The following UVRAG variants were observed in gnomAD, a reference collection of about 807,000 sequenced individuals.
UVRAG encodes the protein UV radiation resistance-associated gene protein.
A neutral mutation model predicts 78.0 loss-of-function variants in UVRAG; 19 were observed. That is an observed-to-expected ratio of 0.24 (90% CI 0.17 to 0.36). UVRAG has a LOEUF of 0.36. UVRAG is among the 10% of genes least tolerant of loss of function. The pLI, the probability that UVRAG is intolerant of heterozygous loss-of-function variation, is 1.00. For synonymous variants in UVRAG, 323 were observed against 324.6 expected (o/e 1.00, Z 0.05); for missense variants, 740 against 853.8 (o/e 0.87, Z 1.66).
At chr11:76,026,274 G>A (rs1259444715) in intron 12 of UVRAG, among the ~76,000 whole-genome samples, 2 of 152,098 alleles carry the variant, frequency 1.3e-5, no homozygotes, top group African/African-American at 4.8e-5. Flanking sequence ...TCAGACTGCT[G>A]TAATTCTGAC....
At chr11:76,090,104 G>A (rs752240835) in intron 13 of UVRAG, among the ~76,000 whole-genome samples, 1 of 152,080 alleles carries the variant, frequency 6.6e-6, no homozygotes, top group Non-Finnish European at 1.5e-5. Flanking sequence ...TCTCCTGACT[G>A]CACCTCCATT....
Position 76,079,243 on chromosome 11 carries a change from G to A in UVRAG, c.1305+13455G>A, listed in dbSNP as rs566142083. Among the ~76,000 whole-genome samples the A allele has an allele frequency of 2.0e-4, 30 of 152,140 alleles. No homozygotes were observed. The South Asian group carries it at 5.8e-3, about 29-fold the overall frequency. ...TCAAGCCTGTAATTCCAACATTTTG[G>A]GAGGCCAAGGCAGGAGGATCACTTG... On this transcript the variant is annotated intron_variant, in intron 13 of 14. Transcript: ENST00000356136.
At chr11:75,847,830 G>A (rs1426168856) in intron 1 of UVRAG, among the ~76,000 whole-genome samples, 2 of 151,902 alleles carry the variant, frequency 1.3e-5, no homozygotes, top group Admixed American at 1.3e-4. Context: ...AATTAGCTGG[G>A]TGTGGTGGTA....
intron 6 of UVRAG, among the ~76,000 whole-genome samples, chr11:75,923,653 G>A (rs1948026653): frequency 6.6e-6 from 1 of 152,092 alleles, no homozygotes; most frequent in African/African-American, 2.4e-5. Flanking sequence ...TCCAGTTCAG[G>A]TGCATTTTAT....
intron 10 of UVRAG, among the ~76,000 whole-genome samples, 163 bp from the exon 11 acceptor site, chr11:76,008,644 G>A (rs968505494): frequency 4.6e-5 from 7 of 152,128 alleles, no homozygotes; most frequent in Non-Finnish European, 1.0e-4. Context: ...TGTAGGGAGA[G>A]AGTAGAATGA....
intron 13 of UVRAG, among the ~76,000 whole-genome samples, chr11:76,080,443 TA>T (rs1951475059): frequency 6.6e-6 from 1 of 152,148 alleles, no homozygotes; most frequent in Non-Finnish European, 1.5e-5. Context: ...GGACTTCAGA[TA>T]ATCCTTCTAC....
intron 13 of UVRAG, among the ~76,000 whole-genome samples, chr11:76,077,495 C>T (rs1017275696): frequency 6.6e-6 from 1 of 152,170 alleles, no homozygotes; most frequent in Non-Finnish European, 1.5e-5. Flanking sequence ...ACTACAAATA[C>T]AGTGCCAAAA....
chr11:75,932,265 CTTTATTTA>C lies in UVRAG; in HGVS notation c.593+20257_593+20264del, dbSNP rs71272238. On this transcript the variant is annotated intron_variant, in intron 6 of 14. Coordinates refer to ENST00000356136, the MANE Select transcript of UVRAG (RefSeq NM_003369.4). ...TATCTTTGTTTGCAGATTATATGATCTTTATTTATTTATTTATTTATTTATTTATTTAT... is the reference window on the plus strand; with the variant it reads ...TATCTTTGTTTGCAGATTATATGATCTTTATTTATTTATTTATTTATTTAT... 1.7e-3 allele frequency among the ~76,000 whole-genome samples: 261 copies of C among 149,666 alleles called. 1 individual carries two copies. The highest frequency in any genetic ancestry group is 5.1e-3 in the African/African-American group (208 of 40,874).
Position 75,938,106 on chromosome 11 carries a change from T to C in UVRAG, c.594-23338T>C, listed in dbSNP as rs1055745646. On this transcript the variant is annotated intron_variant, in intron 6 of 14. Coordinates refer to ENST00000356136, the MANE Select transcript of UVRAG (RefSeq NM_003369.4). The stretch of plus-strand genomic sequence containing the variant: ...ATATACACACACACACACATATATA[T>C]ATTTTTCTCATTTCAGACATCATGA... Among the ~76,000 whole-genome samples, 10 of 152,152 alleles carry C rather than the reference T, an allele frequency of 6.6e-5. No homozygotes were observed. In the South Asian group the frequency reaches 1.7e-3, roughly 25 times the overall value.
At chr11:75,992,011 T>C (rs889846310) in intron 8 of UVRAG, among the ~76,000 whole-genome samples, 3 of 152,176 alleles carry the variant, frequency 2.0e-5, no homozygotes, top group Non-Finnish European at 2.9e-5. Flanking sequence ...AATTTTGTCC[T>C]AATAGTCCTA....
chr11:75,821,436 G>T (rs1030919856), intron 1 of UVRAG, among the ~76,000 whole-genome samples: 1 of 152,142 alleles, frequency 6.6e-6, no homozygotes, highest in Non-Finnish European at 1.5e-5. Context: ...TGACTTCCTG[G>T]GGTCAAGTGA....
At chr11:76,077,407 C>T (rs943860247) in intron 13 of UVRAG, among the ~76,000 whole-genome samples, 1 of 152,022 alleles carries the variant, frequency 6.6e-6, no homozygotes, top group Non-Finnish European at 1.5e-5. Flanking sequence ...ACTATGATTA[C>T]TGTACTCTTT....
In UVRAG at chr11:76,016,798, T is replaced by C; in HGVS notation, c.1061-17T>C. On this transcript the variant is annotated splice_polypyrimidine_tract_variant and intron_variant, in intron 11 of 14. Transcript: ENST00000356136. ...GGTAAATAGTTATTTTCTTTTCCTC[T>C]GCTTTTGAATTTACAGCAAAAGATG... 6.3e-7 allele frequency: 1 copy of C among 1,576,470 alleles called. No homozygotes were observed. Among genetic ancestry groups the C allele is most frequent in the Non-Finnish European group, 8.6e-7 (1 of 1,160,804 alleles).
At chr11:75,903,955 A>G (rs1416977499) in intron 5 of UVRAG, among the ~76,000 whole-genome samples, 1 of 152,250 alleles carries the variant, frequency 6.6e-6, no homozygotes, top group African/African-American at 2.4e-5. Context: ...CTCAAAATAT[A>G]TAGTAACATG....
At chr11:75,920,408 G>A (rs926095572) in intron 6 of UVRAG, among the ~76,000 whole-genome samples, 3 of 151,840 alleles carry the variant, frequency 2.0e-5, no homozygotes, top group East Asian at 1.9e-4. Flanking sequence ...TTATTCATCC[G>A]TCTCTACATA....
intron 12 of UVRAG, among the ~76,000 whole-genome samples, chr11:76,062,701 T>C (rs1474163495): frequency 6.6e-6 from 1 of 152,198 alleles, no homozygotes; most frequent in Non-Finnish European, 1.5e-5. Context: ...GACCTAATAC[T>C]GAAGCCATGT....
At chr11:76,010,451 A>G (rs1023320928) in intron 11 of UVRAG, among the ~76,000 whole-genome samples, 6 of 152,180 alleles carry the variant, frequency 3.9e-5, no homozygotes, top group Admixed American at 6.5e-5. Flanking sequence ...TCTAAGGAGA[A>G]ATATAAAATT....
chr11:76,016,967 G>T lies in UVRAG; in HGVS notation c.1213G>T (p.Glu405Ter). 6.2e-7 allele frequency: 1 copy of T among 1,600,848 alleles called. No homozygotes were observed. Among genetic ancestry groups the T allele is most frequent in the Non-Finnish European group, 8.5e-7 (1 of 1,173,034 alleles). ...AGACAATATCAATGACAAACTGACG[G>T]AAAAGGAGAGAGAGTAAGTGTCTTT... ...IKDNINDKLTEKEREFPLYPK... is the reference protein window; with the variant it reads ...IKDNINDKLT Residue 405 changes from glutamate to a stop codon, truncating the protein, a stop_gained, in exon 12 of 15, where the codon GAA (glutamate) becomes TAA (stop). Transcript: ENST00000356136. LOFTEE classifies it high-confidence loss of function.
chr11:76,049,146 ACC>A (rs1950816999), intron 12 of UVRAG, among the ~76,000 whole-genome samples: 1 of 152,160 alleles, frequency 6.6e-6, no homozygotes, highest in African/African-American at 2.4e-5. Flanking sequence ...TGTCTCATCT[ACC>A]TGCTGTCTCT....
Sources: allele counts gnomAD v4.1 joint callset (sites outside exome capture counted in the v4.1 genomes callset), GRCh38; gene constraint gnomAD v4.1.1; transcripts MANE v1.5; gene names NCBI Gene and HGNC (gene_info 2026-07-23, HGNC 2026-07-21).